GTF3C5: variants seen among roughly 807,000 people sequenced by gnomAD.
GTF3C5 encodes the protein general transcription factor IIIC subunit 5.
A neutral mutation model predicts 61.0 loss-of-function variants in GTF3C5; 47 were observed. The ratio of observed to expected loss-of-function variants is 0.77; its 90% confidence interval spans 0.61 to 0.98. The LOEUF is 0.98. Among genes scored for constraint, GTF3C5 ranks in the 50% least tolerant of loss-of-function variants. GTF3C5 has a pLI of 0.00. For synonymous variants in GTF3C5, 295 were observed against 275.4 expected, an observed-to-expected ratio of 1.07 and a Z score of -0.71; for missense variants, 659 against 703.3, an observed-to-expected ratio of 0.94 and a Z score of 0.71.
At chr9:133,041,561 A>G (rs1850039832) in intron 1 of GTF3C5, among the ~76,000 whole-genome samples, 1 of 152,162 alleles carries the variant, frequency 6.6e-6, no homozygotes, top group East Asian at 1.9e-4. Context: ...GAGATGACTC[A>G]CACTCTTTAC....
chr9:133,057,205 C>T (rs1829963671), intron 10 of GTF3C5, among the ~76,000 whole-genome samples: 1 of 152,150 alleles, frequency 6.6e-6, no homozygotes, highest in South Asian at 2.1e-4. Context: ...CACCTGACGC[C>T]CTCACACCAG....
intron 1 of GTF3C5, among the ~76,000 whole-genome samples, chr9:133,040,743 T>C (rs1850013934): frequency 6.6e-6 from 1 of 152,130 alleles, no homozygotes; most frequent in Non-Finnish European, 1.5e-5. Flanking sequence ...GACAAGCCAC[T>C]CCACCCCGCA....
At position 133,056,026 on chromosome 9, in the gene GTF3C5, C is replaced by G. The variant is rs776731746; in HGVS notation, c.1182C>G (p.Ile394Met). ...SKYKLKDSVY[I>M]FREGALPPYR... ...TTTGTCACCAGGACTCTGTCTACATCTTCCGGGAAGGGGCCTTGCCACCCT... is the reference window on the plus strand; with the variant it reads ...TTTGTCACCAGGACTCTGTCTACATGTTCCGGGAAGGGGCCTTGCCACCCT... The change falls in exon 9 of 11, where the codon ATC (isoleucine) becomes ATG (methionine). Residue 394 changes from isoleucine (I) to methionine (M), a missense_variant. By Grantham distance (10) the Ile-to-Met change is conservative. Transcript: ENST00000372097. 1 of 1,614,146 alleles carries G rather than the reference C, an allele frequency of 6.2e-7. No homozygotes were observed.
rs759089031 is a variant in GTF3C5 at position 133,050,834 on chromosome 9, C to T, written c.624C>T (p.Ser208=). ...CAGGTGAGAATCTGATTGGCCTGAG[C>T]AGAGCCCGGCGCCCCCACAATGCCA... ...PISGENLIGL[S]RARRPHNAIF... Residue 208 remains serine (S), a synonymous_variant, in exon 4 of 11, where the codon AGC becomes AGT. Transcript: ENST00000372097. The T allele has an allele frequency of 3.7e-6, 6 of 1,613,906 alleles. No individual in the cohort carries two copies. Among genetic ancestry groups the T allele is most frequent in the Admixed American group, 1.7e-5 (1 of 59,982 alleles).
In GTF3C5 at chr9:133,055,064, T is replaced by C. The variant is rs537970606; in HGVS notation, c.1167+255T>C. The C allele has an allele frequency of 5.1e-4, 791 of 1,551,290 alleles. 6 individuals carry two copies. The African/African-American group carries it at 9.4e-3, about 18-fold the overall frequency. On this transcript the variant is annotated intron_variant, in intron 8 of 10. Transcript: ENST00000372097. ...GGGAAGTCTGGCACCAGCAGCTGCA[T>C]GTGGTTGTCCTTCTCGAGCCCTTTG... is the stretch of plus-strand genomic sequence containing the variant.
chr9:133,045,591 G>C (rs1850179629), intron 3 of GTF3C5, among the ~76,000 whole-genome samples: 1 of 152,108 alleles, frequency 6.6e-6, no homozygotes, highest in Non-Finnish European at 1.5e-5. Context: ...CAGATTTAGG[G>C]GAGCAAGATT....
chr9:133,056,723 C>A, intron 9 of GTF3C5, 43 bp from the exon 10 acceptor site: 1 of 1,539,656 alleles, frequency 6.5e-7, no homozygotes, highest in South Asian at 1.3e-5. Flanking sequence ...TTAGCAGAGA[C>A]CCGCCCTGGG....
At chr9:133,032,970 C>T (rs1219863420) in intron 1 of GTF3C5, among the ~76,000 whole-genome samples, 2 of 152,168 alleles carry the variant, frequency 1.3e-5, no homozygotes, top group African/African-American at 4.8e-5. Flanking sequence ...AAACGCCACC[C>T]CTCTCTGCTA....
chr9:133,034,251 C>G (rs991096336), intron 1 of GTF3C5, among the ~76,000 whole-genome samples: 1 of 152,168 alleles, frequency 6.6e-6, no homozygotes, highest in Non-Finnish European at 1.5e-5. Flanking sequence ...CCCATATTGA[C>G]TGGTCCACCA....
chr9:133,031,203 G>T, intron 1 of GTF3C5, 39 bp downstream of exon 1: 1 of 1,510,736 alleles, frequency 6.6e-7, no homozygotes, highest in Admixed American at 2.2e-5. Flanking sequence ...ATAAGAGCTC[G>T]GAGTCGCAAA....
In GTF3C5 at chr9:133,034,308, T is replaced by C. The variant is rs115649709; in HGVS notation, c.153+3144T>C. On this transcript the variant is annotated intron_variant, in intron 1 of 10. Transcript: ENST00000372097. Reference sequence around the variant, plus strand: ...GGGGCCCTTTAAGGCTCCATACTTATACTTGTTTGACTGTCTGCGATATGG... The same window carrying C: ...GGGGCCCTTTAAGGCTCCATACTTACACTTGTTTGACTGTCTGCGATATGG... Among the ~76,000 whole-genome samples the C allele has an allele frequency of 7.2e-3, 1,098 of 152,266 alleles. 12 individuals are homozygous for C. Among genetic ancestry groups the C allele is most frequent in the African/African-American group, 0.022 (924 of 41,526 alleles).
chr9:133,037,958 A>T (rs1849915340), intron 1 of GTF3C5, among the ~76,000 whole-genome samples: 1 of 152,140 alleles, frequency 6.6e-6, no homozygotes, highest in Non-Finnish European at 1.5e-5. Flanking sequence ...GGAACAAAGG[A>T]GGAAAGGTTC....
intron 5 of GTF3C5, 63 bp downstream of exon 5, chr9:133,052,227 G>A (rs1588477061): frequency 1.1e-6 from 1 of 885,500 alleles, no homozygotes; most frequent in African/African-American, 1.7e-5. Flanking sequence ...GGTCCCTGCT[G>A]TGATGTCTTA....
chr9:133,048,143 G>GT (rs1463036584), intron 3 of GTF3C5, among the ~76,000 whole-genome samples: 1 of 150,456 alleles, frequency 6.6e-6, no homozygotes, highest in Non-Finnish European at 1.5e-5. Flanking sequence ...AAAAAAAGTG[G>GT]TTTTTTGGTT....
Position 133,058,258 on chromosome 9 carries a change from A to G in GTF3C5, c.*278A>G. 1 of 809,934 alleles carries G rather than the reference A, an allele frequency of 1.2e-6. No individual in the cohort carries two copies. Among genetic ancestry groups the G allele is most frequent in the Non-Finnish European group, 1.6e-6 (1 of 607,922 alleles). 50.2% of individuals were successfully genotyped at this position (809,934 alleles called of 1,614,324 possible). A position where few individuals can be genotyped will look rare whatever the true frequency, so the allele number is the denominator to read the frequency against. ...CCCAGCATCCAGCCAGTGAGTGGGC[A>G]CCCAATGCCTCTCAGGATGAGACCA... On this transcript the variant is annotated 3_prime_UTR_variant, in exon 11 of 11. Transcript: ENST00000372097.
intron 8 of GTF3C5, 29 bp from the exon 9 acceptor site, chr9:133,055,983 T>C (rs917283744): frequency 1.2e-6 from 2 of 1,613,860 alleles, no homozygotes; most frequent in Non-Finnish European, 1.7e-6. Context: ...TGGCTCACCT[T>C]CCCTGTCTCT....
rs1588458362 is a variant in GTF3C5 at position 133,031,166 on chromosome 9, T to G, written c.153+2T>G. On this transcript the variant is annotated splice_donor_variant, in intron 1 of 10. Coordinates refer to ENST00000372097, the MANE Select transcript of GTF3C5 (RefSeq NM_012087.4). LOFTEE classifies it high-confidence loss of function. ...GGCGGCGAGGAAGGCGTCTCCCGGG[T>G]AAGGGGCTGGGAATCTCGGTGTTGG... 1 of 1,565,118 alleles carries G rather than the reference T, an allele frequency of 6.4e-7. No homozygotes were observed.
intron 1 of GTF3C5, among the ~76,000 whole-genome samples, chr9:133,041,445 G>A (rs894166968): frequency 2.0e-5 from 3 of 151,926 alleles, no homozygotes; most frequent in African/African-American, 4.8e-5. Flanking sequence ...CAGAAGTAAT[G>A]GCATAAGCTG....
Position 133,056,786 on chromosome 9 carries a change from G to T in GTF3C5, c.1271G>T (p.Arg424Leu), listed in dbSNP as rs200358389. 1.9e-6 allele frequency: 3 copies of T among 1,606,896 alleles called. No individual in the cohort carries two copies. In the African/African-American group the frequency reaches 4.0e-5, roughly 22 times the overall value. The stretch of plus-strand genomic sequence containing the variant: ...CCCAGGTTGCAGAAGATCATTCACC[G>T]CAATGACGGGGCAGAGAATTCCTGC... ...NVEELQKIIH[R>L]NDGAENSCTE... The change falls in exon 10 of 11, where the codon CGC becomes CTC. Residue 424 changes from arginine to leucine, a missense_variant. Arg to Leu is a moderately radical substitution (Grantham distance 102). Coordinates refer to ENST00000372097, the MANE Select transcript of GTF3C5 (RefSeq NM_012087.4).
Sources: allele counts gnomAD v4.1 joint callset (sites outside exome capture counted in the v4.1 genomes callset), GRCh38; gene constraint gnomAD v4.1.1; transcripts MANE v1.5; gene names NCBI Gene and HGNC (gene_info 2026-07-23, HGNC 2026-07-21).